The following COL26A1 variants were observed in gnomAD, a reference collection of about 807,000 sequenced individuals.
COL26A1 encodes collagen alpha-1(XXVI) chain.
A neutral mutation model predicts 59.3 loss-of-function variants in COL26A1; 41 were observed. That is an observed-to-expected ratio of 0.69 (90% CI 0.54 to 0.90). COL26A1 has a LOEUF of 0.90. Ranked by LOEUF, COL26A1 falls within the 40% of genes least tolerant of loss-of-function variation. The pLI is 0.00. For synonymous variants in COL26A1, 266 were observed against 256.0 expected (o/e 1.04, Z -0.37); for missense variants, 612 against 602.3 (o/e 1.02, Z -0.17).
intron 1 of COL26A1, among the ~76,000 whole-genome samples, chr7:101,395,211 C>T (rs1014869707): frequency 6.6e-6 from 1 of 152,060 alleles, no homozygotes; most frequent in Non-Finnish European, 1.5e-5. Context: ...CATATGGCTC[C>T]GAATGTCCTG....
Position 101,545,474 on chromosome 7 carries a change from G to C in COL26A1, c.840G>C (p.Pro280=), listed in dbSNP as rs374228629. 1.9e-6 allele frequency: 3 copies of C among 1,606,236 alleles called. No homozygotes were observed. In the African/African-American group the frequency reaches 4.0e-5, roughly 22 times the overall value. The change falls in exon 7 of 13, where the codon CCG becomes CCC. Residue 280 remains proline (P), a synonymous_variant. Coordinates refer to ENST00000313669, the MANE Select transcript of COL26A1 (RefSeq NM_001278563.3). ...AGGGCGCCCTCTACTCCCTGCAGCCGCCTACAGACAAAGACAGTGAGTAAT... is the reference window on the plus strand; with the variant it reads ...AGGGCGCCCTCTACTCCCTGCAGCCCCCTACAGACAAAGACAGTGAGTAAT... ...SPQGALYSLQ[P]PTDKDNGDSR...
chr7:101,418,452 G>A (rs1792430371), intron 1 of COL26A1, among the ~76,000 whole-genome samples: 1 of 151,828 alleles, frequency 6.6e-6, no homozygotes, highest in South Asian at 2.1e-4. Flanking sequence ...ATGCCCTTGA[G>A]GACTTTTTTT....
intron 1 of COL26A1, among the ~76,000 whole-genome samples, chr7:101,367,178 C>A (rs553474485): frequency 6.6e-6 from 1 of 152,280 alleles, no homozygotes; most frequent in African/African-American, 2.4e-5. Flanking sequence ...GACAGAAATT[C>A]TTCATAGGTG....
At chr7:101,383,829 C>T (rs1791504128) in intron 1 of COL26A1, among the ~76,000 whole-genome samples, 1 of 152,156 alleles carries the variant, frequency 6.6e-6, no homozygotes, top group Admixed American at 6.6e-5. Flanking sequence ...GCCACAGCGC[C>T]CTGCCTAATT....
chr7:101,405,079 G>A (rs1393048218), intron 1 of COL26A1, among the ~76,000 whole-genome samples: 4 of 151,840 alleles, frequency 2.6e-5, no homozygotes, highest in East Asian at 3.9e-4. Flanking sequence ...AAAATTAGCC[G>A]GGCGTGGTGG....
chr7:101,387,776 A>ATTTTTTTTTTTTTTTTTT (rs1445116473), intron 1 of COL26A1, among the ~76,000 whole-genome samples: 52 of 84,720 alleles, frequency 6.1e-4, no homozygotes, highest in Non-Finnish European at 1.0e-3. Flanking sequence ...ATATATATAT[A>ATTTTTTTTTTTTTTTTTT]TATTTTTTTT....
rs189795506 is a variant in COL26A1, at chr7:101,514,219, T to C, written c.386-18863T>C. Among the ~76,000 whole-genome samples, 325 of 151,936 alleles carry C rather than the reference T, an allele frequency of 2.1e-3. 1 individual carries two copies. Among genetic ancestry groups the C allele is most frequent in the African/African-American group, 7.6e-3 (315 of 41,418 alleles). On this transcript the variant is annotated intron_variant, in intron 3 of 12. Transcript: ENST00000313669. ...CGGGCGTGGTGGCGGGTGCCTGTAG[T>C]CCCAGCTACTCGGGAAGTTGAGGCA...
intron 3 of COL26A1, among the ~76,000 whole-genome samples, chr7:101,460,074 G>A (rs956417244): frequency 6.6e-6 from 1 of 152,120 alleles, no homozygotes; most frequent in Non-Finnish European, 1.5e-5. Context: ...ATGTTTCTGA[G>A]ACTTGCCTTC....
At chr7:101,366,933 G>A (rs1443103744) in intron 1 of COL26A1, among the ~76,000 whole-genome samples, 3 of 151,914 alleles carry the variant, frequency 2.0e-5, no homozygotes, top group Admixed American at 6.6e-5. Context: ...TTTCCTCCAC[G>A]CTGTTGACTT....
intron 1 of COL26A1, among the ~76,000 whole-genome samples, chr7:101,397,477 T>TTCCTTCTTCTTTCCTTC (rs1791884459): frequency 7.1e-6 from 1 of 140,826 alleles, no homozygotes; most frequent in South Asian, 2.3e-4. Flanking sequence ...CCTTCCTTCC[T>TTCCTTCTTCTTTCCTTC]TCCTTCTCCT....
At chr7:101,556,477 G>A (rs925923700) in intron 12 of COL26A1, among the ~76,000 whole-genome samples, 2 of 152,062 alleles carry the variant, frequency 1.3e-5, no homozygotes, top group African/African-American at 4.8e-5. Context: ...ATGGGTGGAT[G>A]CATAGATAGA....
intron 3 of COL26A1, among the ~76,000 whole-genome samples, chr7:101,489,758 CTTT>C (rs1794376967): frequency 1.0e-3 from 4 of 3,870 alleles, no homozygotes; most frequent in Admixed American, 3.2e-3. Context: ...TCTTGTCTCT[CTTT>C]CTTTCTTTCT....
At chr7:101,469,553 G>A (rs1793844922) in intron 3 of COL26A1, among the ~76,000 whole-genome samples, 1 of 151,202 alleles carries the variant, frequency 6.6e-6, no homozygotes, top group Admixed American at 6.6e-5. Flanking sequence ...GCAGTGGCAC[G>A]ATCTTAGCTC....
Position 101,503,965 on chromosome 7 carries a change from C to A in COL26A1, c.386-29117C>A, listed in dbSNP as rs1420582370. Among the ~76,000 whole-genome samples, 3 of 152,192 alleles carry A rather than the reference C, an allele frequency of 2.0e-5. No individual in the cohort carries two copies. In the East Asian group the frequency reaches 5.8e-4, roughly 29 times the overall value. On this transcript the variant is annotated intron_variant, in intron 3 of 12. Coordinates refer to ENST00000313669, the MANE Select transcript of COL26A1 (RefSeq NM_001278563.3). ...TCCAGGAAGGGGACCATGTGTCACG[C>A]CTGAGCTGACCCTTTCTCTCTGCTG...
chr7:101,409,168 G>C (rs1358306318), intron 1 of COL26A1, among the ~76,000 whole-genome samples: 2 of 152,300 alleles, frequency 1.3e-5, no homozygotes, highest in East Asian at 3.9e-4. Flanking sequence ...CCATGCGCTT[G>C]GCTGGGGTCT....
At chr7:101,499,002 C>T (rs977351962) in intron 3 of COL26A1, among the ~76,000 whole-genome samples, 2 of 152,138 alleles carry the variant, frequency 1.3e-5, no homozygotes, top group Non-Finnish European at 2.9e-5. Context: ...GCTCACGTTC[C>T]CTGAAGGGTT....
At chr7:101,386,216 T>A (rs1048786065) in intron 1 of COL26A1, among the ~76,000 whole-genome samples, 4 of 151,196 alleles carry the variant, frequency 2.6e-5, no homozygotes, top group African/African-American at 9.7e-5. Flanking sequence ...TCCTGCCGAG[T>A]GTCTGCCCTG....
chr7:101,377,644 C>T (rs2117021570), intron 1 of COL26A1, among the ~76,000 whole-genome samples: 1 of 152,208 alleles, frequency 6.6e-6, no homozygotes, highest in East Asian at 1.9e-4. Flanking sequence ...CCAAGCTGGT[C>T]TTGAACTCCT....
At chr7:101,517,034 C>T (rs1795042727) in intron 3 of COL26A1, among the ~76,000 whole-genome samples, 1 of 152,134 alleles carries the variant, frequency 6.6e-6, no homozygotes, top group African/African-American at 2.4e-5. Flanking sequence ...CAACTGCCTC[C>T]TGCCAGGAAA....
Sources: allele counts gnomAD v4.1 joint callset (sites outside exome capture counted in the v4.1 genomes callset), GRCh38; gene constraint gnomAD v4.1.1; transcripts MANE v1.5; gene names NCBI Gene and HGNC (gene_info 2026-07-23, HGNC 2026-07-21).